Variants in SLC5A5 observed in about 807,000 individuals in gnomAD.
SLC5A5 encodes the protein solute carrier family 5 member 5.
Under a neutral mutation model 68.6 loss-of-function variants are expected in SLC5A5, and 56 were observed. The ratio of observed to expected loss-of-function variants is 0.82; its 90% CI spans 0.66 to 1.02. The LOEUF is 1.02. Ranked by LOEUF, SLC5A5 falls within the 50% of genes least tolerant of loss-of-function variation. The pLI is 0.00. For synonymous variants in SLC5A5, 398 were observed against 373.0 expected (o/e 1.07, Z -0.77); for missense variants, 807 against 859.8 (o/e 0.94, Z 0.77).
At position 17,892,717 on chromosome 19, in the gene SLC5A5, G is replaced by A. The variant is rs564261694; in HGVS notation, c.1768-996G>A. 6.2e-5 allele frequency among the ~76,000 whole-genome samples: 8 copies of A among 128,978 alleles called. No individual in the cohort carries two copies. In the East Asian group the frequency reaches 2.1e-3, roughly 33 times the overall value. 84.6% of individuals were successfully genotyped at this position (128,978 alleles called of 152,430 possible). ...GAGAGAGCAAGCTAAAAAGAAAAAC[G>A]TGTAGGGTCTCAGCATGATAAATAT... On this transcript the variant is annotated intron_variant, in intron 14 of 14. Transcript: ENST00000222248.
Position 17,883,784 on chromosome 19 carries a change from C to CA in SLC5A5, c.1329+19dup, listed in dbSNP as rs765926974. ...AACACACCGGTGAGTGGGGGCGGGGCAAGGGGCGGGGAGGGGCGGGGCCGG... is the reference window on the plus strand; with the variant it reads ...AACACACCGGTGAGTGGGGGCGGGGCAAAGGGGCGGGGAGGGGCGGGGCCGG... On this transcript the variant is annotated intron_variant, in intron 11 of 14. Transcript: ENST00000222248. 6 of 1,119,458 alleles carry CA rather than the reference C, an allele frequency of 5.4e-6. No individual in the cohort carries two copies. The South Asian group carries it at 7.9e-5, about 15-fold the overall frequency. The allele number at this position is 1,119,458 out of a possible 1,614,324, so 69.3% of individuals were successfully genotyped here.
intron 13 of SLC5A5, among the ~76,000 whole-genome samples, chr19:17,889,450 AAG>A (rs1348584094): frequency 8.2e-6 from 1 of 121,416 alleles, no homozygotes; most frequent in Admixed American, 7.6e-5. Flanking sequence ...AGGAAAGAGA[AAG>A]AGAGAGAGAG....
intron 4 of SLC5A5, among the ~76,000 whole-genome samples, chr19:17,875,427 C>T (rs1253934487): frequency 2.6e-5 from 4 of 151,624 alleles, no homozygotes; most frequent in African/African-American, 9.7e-5. Context: ...CACTGACACT[C>T]GTATATGTCA....
intron 12 of SLC5A5, among the ~76,000 whole-genome samples, chr19:17,887,959 T>TTG (rs1276012348): frequency 1.3e-5 from 2 of 152,158 alleles, no homozygotes; most frequent in Non-Finnish European, 1.5e-5. Context: ...TTGGTGGCTT[T>TTG]TGCTTTTGGC....
chr19:17,890,851 A>T, intron 13 of SLC5A5, 35 bp from the exon 14 acceptor site: 5 of 1,449,416 alleles, frequency 3.4e-6, no homozygotes, highest in Non-Finnish European at 4.8e-6. Context: ...CCTTCACTGA[A>T]TGCCTGGATT....
intron 10 of SLC5A5, among the ~76,000 whole-genome samples, chr19:17,882,746 C>A (rs1039529381): frequency 5.9e-5 from 9 of 151,994 alleles, no homozygotes. Context: ...TGCAGTGGCA[C>A]CATCTTGGCT....
At position 17,874,205 on chromosome 19, in the gene SLC5A5, T is replaced by C; in HGVS notation, c.423+2T>C. The C allele has an allele frequency of 6.2e-7, 1 of 1,601,554 alleles. No homozygotes were observed. The highest frequency in any genetic ancestry group is 8.6e-7 in the Non-Finnish European group (1 of 1,169,394). On this transcript the variant is annotated splice_donor_variant, in intron 2 of 14. Transcript: ENST00000222248. LOFTEE classifies it high-confidence loss of function. Reference sequence around the variant, plus strand: ...ACTTTGCAGTACATTGTAGCCACGGTGAGTGGCCTCGGCCCCGCCCTCCGC... The same window carrying C: ...ACTTTGCAGTACATTGTAGCCACGGCGAGTGGCCTCGGCCCCGCCCTCCGC...
intron 14 of SLC5A5, among the ~76,000 whole-genome samples, chr19:17,892,316 AG>A (rs1334235475): frequency 7.3e-6 from 1 of 137,634 alleles, no homozygotes; most frequent in Non-Finnish European, 1.6e-5. Context: ...GAAAGCAGGA[AG>A]GGAGGGAGGG....
At chr19:17,875,409 C>T (rs940316359) in intron 4 of SLC5A5, among the ~76,000 whole-genome samples, 7 of 151,432 alleles carry the variant, frequency 4.6e-5, no homozygotes, top group Non-Finnish European at 1.0e-4. Context: ...GTAATGGCAG[C>T]AATCACTCAC....
At position 17,872,426 on chromosome 19, in the gene SLC5A5, TG is replaced by T. The variant is rs767062568; in HGVS notation, c.109del (p.Ala37LeufsTer60). On this transcript the variant is annotated frameshift_variant, in exon 1 of 15. Coordinates refer to ENST00000222248, the MANE Select transcript of SLC5A5 (RefSeq NM_000453.3). LOFTEE classifies it high-confidence loss of function. ...ACTGGCATCGGGCTGTGGGTCGGGCTGGCTCGGGGCGGGCAGCGCAGCGCTG... is the reference window on the plus strand; with the variant it reads ...ACTGGCATCGGGCTGTGGGTCGGGCTGCTCGGGGCGGGCAGCGCAGCGCTG... ...VSTGIGLWVG[L>X]ARGGQRSAED... is the part of the protein sequence containing the mutation. 6.2e-7 allele frequency: 1 copy of T among 1,608,974 alleles called. No individual in the cohort carries two copies.
Position 17,894,846 on chromosome 19 carries a change from G to A in SLC5A5, c.*969G>A, listed in dbSNP as rs918175154. On this transcript the variant is annotated 3_prime_UTR_variant, in exon 15 of 15. Coordinates refer to ENST00000222248, the MANE Select transcript of SLC5A5 (RefSeq NM_000453.3). The stretch of plus-strand genomic sequence containing the variant: ...GAACATGAGCTTACTTGGAAATAGG[G>A]TCTTTGCAGGTGTAACTGGTTAAAT... 1 of 152,206 alleles carries A rather than the reference G, an allele frequency of 6.6e-6. No homozygotes were observed. Among genetic ancestry groups the A allele is most frequent in the African/African-American group, 2.4e-5 (1 of 41,450 alleles). The allele number at this position is 152,206 out of a possible 1,614,324, so 9.4% of individuals were successfully genotyped here.
chr19:17,882,403 A>G (rs2094322779), intron 10 of SLC5A5, among the ~76,000 whole-genome samples, 184 bp downstream of exon 10: 1 of 151,192 alleles, frequency 6.6e-6, no homozygotes, highest in African/African-American at 2.4e-5. Flanking sequence ...AGGCCCGATC[A>G]TAGCTCACTG....
At chr19:17,875,318 G>A in intron 4 of SLC5A5, among the ~76,000 whole-genome samples, 1 of 150,690 alleles carries the variant, frequency 6.6e-6, no homozygotes, top group South Asian at 2.1e-4. Flanking sequence ...TGCGGTGCGT[G>A]GAGATTGCGC....
intron 10 of SLC5A5, among the ~76,000 whole-genome samples, chr19:17,882,851 T>A (rs868705707): frequency 6.6e-6 from 1 of 151,548 alleles, no homozygotes. Context: ...GCCTGACTAA[T>A]TTTTTGTATT....
Position 17,882,237 on chromosome 19 carries a change from C to T in SLC5A5, c.1242+18C>T. The T allele has an allele frequency of 1.2e-6, 2 of 1,605,320 alleles. No homozygotes were observed. The highest frequency in any genetic ancestry group is 8.5e-7 in the Non-Finnish European group (1 of 1,173,226). On this transcript the variant is annotated intron_variant, in intron 10 of 14. Coordinates refer to ENST00000222248, the MANE Select transcript of SLC5A5 (RefSeq NM_000453.3). ...TCCTTCAGGTGAGACCCCACCTGCC[C>T]CCTGCCCTGGTCTCCTGAGAGGTGG...
chr19:17,893,697 TC>T lies in SLC5A5; in HGVS notation c.1768-13del. 6.2e-7 allele frequency: 1 copy of T among 1,612,868 alleles called. No homozygotes were observed. On this transcript the variant is annotated splice_polypyrimidine_tract_variant and intron_variant, in intron 14 of 14. Coordinates refer to ENST00000222248, the MANE Select transcript of SLC5A5 (RefSeq NM_000453.3). ...CAGGGTCTCTGATGGGGTCTCTTTT[TC>T]CCACTTTTCCCCAGGGTCCTGAAGA...
intron 7 of SLC5A5, among the ~76,000 whole-genome samples, chr19:17,879,772 C>T (rs1258384284): frequency 1.3e-5 from 2 of 152,148 alleles, no homozygotes; most frequent in Admixed American, 6.6e-5. Flanking sequence ...GAGGATGACA[C>T]GGGTCCCTGC....
Position 17,874,140 on chromosome 19 carries a change from C to A in SLC5A5, c.360C>A (p.Tyr120Ter). ...YRLGLTSTYE[Y>*]LEMRFSRAVR... Reference sequence around the variant, plus strand: ...TGACCTCGAGTCCCTCCTTGCAGTACCTGGAGATGCGCTTCAGCCGCGCAG... The same window carrying A: ...TGACCTCGAGTCCCTCCTTGCAGTAACTGGAGATGCGCTTCAGCCGCGCAG... Residue 120 changes from tyrosine to a stop codon, truncating the protein, a stop_gained and splice_region_variant, in exon 2 of 15, where the codon TAC becomes TAA. Coordinates refer to ENST00000222248, the MANE Select transcript of SLC5A5 (RefSeq NM_000453.3). LOFTEE classifies it high-confidence loss of function. 1 of 1,611,138 alleles carries A rather than the reference C, an allele frequency of 6.2e-7. No homozygotes were observed. The highest frequency in any genetic ancestry group is 8.5e-7 in the Non-Finnish European group (1 of 1,177,692).
At position 17,893,697 on chromosome 19, in the gene SLC5A5, T is replaced by C; in HGVS notation, c.1768-16T>C. ...CAGGGTCTCTGATGGGGTCTCTTTT[T>C]CCCACTTTTCCCCAGGGTCCTGAAG... is the stretch of plus-strand genomic sequence containing the variant. On this transcript the variant is annotated splice_polypyrimidine_tract_variant and intron_variant, in intron 14 of 14. Transcript: ENST00000222248. The C allele has an allele frequency of 6.2e-7, 1 of 1,612,868 alleles. No homozygotes were observed. Among genetic ancestry groups the C allele is most frequent in the Non-Finnish European group, 8.5e-7 (1 of 1,179,552 alleles).
Sources: allele counts gnomAD v4.1 joint callset (sites outside exome capture counted in the v4.1 genomes callset), GRCh38; gene constraint gnomAD v4.1.1; transcripts MANE v1.5; gene names NCBI Gene and HGNC (gene_info 2026-07-23, HGNC 2026-07-21).